EIF4E3: variants seen among roughly 807,000 people sequenced by gnomAD.
The protein encoded by EIF4E3 is eukaryotic translation initiation factor 4E type 3.
In EIF4E3, 26 loss-of-function variants were observed where a neutral mutation model predicts 31.7. The ratio of observed to expected loss-of-function variants is 0.82; its 90% CI spans 0.60 to 1.14. The LOEUF is 1.14. Ranked by LOEUF, EIF4E3 falls within the 50% of genes most tolerant of loss-of-function variation. The pLI is 0.00. For missense variants in EIF4E3, 304 were observed against 270.9 expected (o/e 1.12, Z -0.86); for synonymous variants, 128 against 107.7 (o/e 1.19, Z -1.17).
chr3:71,710,652 G>C (rs977038471), intron 1 of EIF4E3, among the ~76,000 whole-genome samples, 168 bp from the exon 2 acceptor site: 3 of 152,100 alleles, frequency 2.0e-5, no homozygotes, highest in African/African-American at 4.8e-5. Flanking sequence ...TCCCTACTTT[G>C]TGAAGTCATG....
upstream of EIF4E3, chr3:71,754,709 G>T: frequency 6.7e-7 from 1 of 1,482,136 alleles, no homozygotes; most frequent in Non-Finnish European, 8.9e-7. The surrounding 1 kb of genome is among the most constrained non-coding windows in gnomAD (Gnocchi z 5.8). Context: ...CGCGCCTGGT[G>T]CCCGCCGTCA....
At chr3:71,668,827 T>G in the EIF4E3 span, among the ~76,000 whole-genome samples, 1 of 152,276 alleles carries the variant, frequency 6.6e-6, no homozygotes, top group South Asian at 2.1e-4. Context: ...CATTGTGGAA[T>G]ACAGTGTGGC....
At chr3:71,696,385 G>A (rs2049136039) in intron 4 of EIF4E3, 75 bp downstream of exon 4, 4 of 1,553,712 alleles carry the variant, frequency 2.6e-6, no homozygotes, top group African/African-American at 2.7e-5. Context: ...TATCTGCAAA[G>A]CACAAAATGC....
At chr3:71,712,403 T>C (rs13067349) in intron 1 of EIF4E3, among the ~76,000 whole-genome samples, 105,140 of 152,008 alleles carry the variant, frequency 0.69, 36,834 homozygotes, top group African/African-American at 0.79. Flanking sequence ...TTTATATCTT[T>C]TTCAGCTTTA....
At chr3:71,706,368 G>C (rs1449647934) in intron 2 of EIF4E3, among the ~76,000 whole-genome samples, 1 of 152,148 alleles carries the variant, frequency 6.6e-6, no homozygotes, top group African/African-American at 2.4e-5. Flanking sequence ...ACTTTGATTT[G>C]CTAAAGGGCC....
At chr3:71,716,042 C>T (rs958189776) in intron 1 of EIF4E3, among the ~76,000 whole-genome samples, 7 of 152,138 alleles carry the variant, frequency 4.6e-5, no homozygotes, top group African/African-American at 1.4e-4. Context: ...CATATCCCTC[C>T]GTGGGCCCAC....
chr3:71,720,977 A>G (rs1209114343), intron 1 of EIF4E3, among the ~76,000 whole-genome samples: 1 of 152,248 alleles, frequency 6.6e-6, no homozygotes, highest in Admixed American at 6.5e-5. Flanking sequence ...CCAATTCTGA[A>G]AAACTGGAAG....
At chr3:71,748,572 T>C (rs1044186697) in intron 1 of EIF4E3, among the ~76,000 whole-genome samples, 1 of 152,130 alleles carries the variant, frequency 6.6e-6, no homozygotes, top group Non-Finnish European at 1.5e-5. Flanking sequence ...ATGCATCTAA[T>C]ATCAAATGCA....
chr3:71,663,488 C>T, the EIF4E3 span, among the ~76,000 whole-genome samples: 94 of 152,302 alleles, frequency 6.2e-4, no homozygotes, highest in African/African-American at 2.2e-3. Flanking sequence ...TCCATGCAGT[C>T]GGCAAAATGA....
chr3:71,680,738 C>T lies in EIF4E3; in HGVS notation c.*3944G>A, dbSNP rs1392817519. ...CGTTGCCTCTCAGTCCCTATTTTTT[C>T]CCACTTCACCCTCTGACTCCTCCCA... On this transcript the variant is annotated 3_prime_UTR_variant, in exon 7 of 7. Coordinates refer to ENST00000425534, the MANE Select transcript of EIF4E3 (RefSeq NM_001134651.2). 1.3e-5 allele frequency: 2 copies of T among 152,150 alleles called. No individual in the cohort carries two copies. The highest frequency in any genetic ancestry group is 4.8e-5 in the African/African-American group (2 of 41,446). The allele number at this position is 152,150 out of a possible 1,614,324, so 9.4% of individuals were successfully genotyped here.
In EIF4E3 at chr3:71,715,466, A is replaced by G. The variant is rs6549405; in HGVS notation, c.177-4982T>C. On this transcript the variant is annotated intron_variant, in intron 1 of 6. Transcript: ENST00000425534. ...CCAAAGACAAAGAAACAATGTTCAT[A>G]TCATTTTTTAATTCTCCCGGAAGGG... Among the ~76,000 whole-genome samples, 1,446 of 152,344 alleles carry G rather than the reference A, an allele frequency of 9.5e-3. 18 individuals are homozygous for G. Among genetic ancestry groups the G allele is most frequent in the African/African-American group, 0.033 (1,383 of 41,580 alleles).
At chr3:71,713,647 G>A (rs1013738706) in intron 1 of EIF4E3, among the ~76,000 whole-genome samples, 7 of 152,082 alleles carry the variant, frequency 4.6e-5, no homozygotes, top group African/African-American at 1.4e-4. Context: ...ATGTTGCCCA[G>A]GCTGGTCTCA....
rs900638940 is a variant in EIF4E3 at position 71,676,136 on chromosome 3, G to C, written c.*8546C>G. 1 of 152,142 alleles carries C rather than the reference G, an allele frequency of 6.6e-6. No homozygotes were observed. The highest frequency in any genetic ancestry group is 2.4e-5 in the African/African-American group (1 of 41,440). 9.4% of individuals were successfully genotyped at this position (152,142 alleles called of 1,614,324 possible). Reference sequence around the variant, plus strand: ...AAATTCTGCCCAGTTACTAACTTACGGGGGTATCAATTGCTTATAGTGTGT... The same window carrying C: ...AAATTCTGCCCAGTTACTAACTTACCGGGGTATCAATTGCTTATAGTGTGT... On this transcript the variant is annotated 3_prime_UTR_variant, in exon 7 of 7. Transcript: ENST00000425534.
chr3:71,752,787 G>A (rs2049945314), intron 1 of EIF4E3, among the ~76,000 whole-genome samples: 1 of 152,164 alleles, frequency 6.6e-6, no homozygotes, highest in Admixed American at 6.5e-5. Flanking sequence ...TAAAACAGAC[G>A]GGTTAGAAGG....
intron 4 of EIF4E3, 118 bp from the exon 5 acceptor site, chr3:71,694,059 A>G (rs2049101087): frequency 3.1e-6 from 3 of 969,726 alleles, no homozygotes; most frequent in African/African-American, 1.7e-5. Flanking sequence ...TTCTGTGCCC[A>G]TACTTGGAGT....
the EIF4E3 span, among the ~76,000 whole-genome samples, chr3:71,660,939 G>C: frequency 1.1e-3 from 168 of 152,064 alleles, no homozygotes; most frequent in Non-Finnish European, 2.0e-3. Flanking sequence ...ACCCCCTCAT[G>C]CTTGCACTTC....
At chr3:71,740,945 G>A (rs1176998991) in intron 1 of EIF4E3, among the ~76,000 whole-genome samples, 2 of 152,094 alleles carry the variant, frequency 1.3e-5, no homozygotes, top group Middle Eastern at 6.8e-3. Flanking sequence ...GACCATCCTG[G>A]CTAACATGGT....
chr3:71,687,315 C>G (rs572332199), intron 6 of EIF4E3, among the ~76,000 whole-genome samples: 1 of 152,302 alleles, frequency 6.6e-6, no homozygotes, highest in South Asian at 2.1e-4. Flanking sequence ...GTATCAATTA[C>G]TAACTCTGCC....
chr3:71,719,543 A>T (rs1181322823), intron 1 of EIF4E3, among the ~76,000 whole-genome samples: 1 of 152,134 alleles, frequency 6.6e-6, no homozygotes, highest in Non-Finnish European at 1.5e-5. Flanking sequence ...ATGAAAAAAA[A>T]AAAAAAAGTC....
Sources: allele counts gnomAD v4.1 joint callset (sites outside exome capture counted in the v4.1 genomes callset), GRCh38; gene constraint gnomAD v4.1.1; non-coding constraint Gnocchi (gnomAD v3.1); transcripts MANE v1.5; gene names NCBI Gene and HGNC (gene_info 2026-07-23, HGNC 2026-07-21).